Variants in AIG1 observed in about 807,000 individuals in gnomAD.
The protein encoded by AIG1 is androgen-induced gene 1 protein.
In AIG1, 23 loss-of-function variants were observed where a neutral mutation model predicts 31.4. The observed-to-expected ratio is 0.73, with a 90% CI of 0.53 to 1.04. AIG1 has a LOEUF of 1.04. Among genes scored for constraint, AIG1 ranks in the 50% least tolerant of loss-of-function variants. The pLI is 0.00. For missense variants in AIG1, 274 were observed against 295.0 expected, an observed-to-expected ratio of 0.93 and a Z score of 0.52; for synonymous variants, 100 against 110.5, an observed-to-expected ratio of 0.90 and a Z score of 0.60.
At chr6:143,179,578 T>TA (rs1462320232) in intron 3 of AIG1, among the ~76,000 whole-genome samples, 1 of 152,184 alleles carries the variant, frequency 6.6e-6, no homozygotes, top group African/African-American at 2.4e-5. Flanking sequence ...CGTTTTTGAT[T>TA]TACACTAAAG....
intron 1 of AIG1, among the ~76,000 whole-genome samples, chr6:143,075,602 G>A (rs1777666476): frequency 1.3e-5 from 2 of 152,086 alleles, no homozygotes; most frequent in South Asian, 4.2e-4. Flanking sequence ...CACTGTGCGA[G>A]GCTGATTTCT....
intron 2 of AIG1, among the ~76,000 whole-genome samples, chr6:143,143,528 A>AAAATATATATATATAT (rs1554249782): frequency 5.4e-4 from 15 of 27,774 alleles, no homozygotes; most frequent in East Asian, 2.6e-3. Context: ...AAAAAAAAAA[A>AAAATATATATATATAT]ATATATATAT....
In AIG1 at chr6:143,340,620, G is replaced by C. The variant is rs56289954; in HGVS notation, c.*944G>C. Among the ~76,000 whole-genome samples, 4 of 151,814 alleles carry C rather than the reference G, an allele frequency of 2.6e-5. No individual in the cohort carries two copies. The East Asian group carries it at 7.7e-4, about 29-fold the overall frequency. The stretch of plus-strand genomic sequence containing the variant: ...CTGGGACTACAGGCGCCTGCCACAC[G>C]CCCGGCTTATTTTTTGTATTTTTAG... On this transcript the variant is annotated 3_prime_UTR_variant, in exon 6 of 6. Transcript: ENST00000357847.
intron 3 of AIG1, among the ~76,000 whole-genome samples, chr6:143,194,613 T>C (rs1790071938): frequency 6.6e-6 from 1 of 152,240 alleles, no homozygotes. Context: ...TTGAGTAGTT[T>C]ATGTGTGGAT....
chr6:143,112,666 G>GT (rs2128491772), intron 1 of AIG1, among the ~76,000 whole-genome samples: 1 of 152,282 alleles, frequency 6.6e-6, no homozygotes, highest in East Asian at 1.9e-4. Flanking sequence ...GTCTGAGTGA[G>GT]TTCTATTTAA....
chr6:143,191,802 A>T (rs549024538), intron 3 of AIG1, among the ~76,000 whole-genome samples: 12 of 152,346 alleles, frequency 7.9e-5, no homozygotes, highest in Middle Eastern at 3.4e-3. Context: ...ATAAAGGTAA[A>T]ACTTTCCTGG....
rs559422523 is a variant in AIG1 at position 143,194,317 on chromosome 6, C to T, written c.399+29134C>T. Among the ~76,000 whole-genome samples the T allele has an allele frequency of 1.1e-4, 17 of 152,292 alleles. No individual in the cohort carries two copies. The South Asian group carries it at 3.5e-3, about 32-fold the overall frequency. On this transcript the variant is annotated intron_variant, in intron 3 of 5. Coordinates refer to ENST00000357847, the MANE Select transcript of AIG1 (RefSeq NM_016108.4). ...ACAAAACCATTAGATCTCATGAGAA[C>T]TCACTCACTATCACGAGAATAGCAT... is the stretch of plus-strand genomic sequence containing the variant.
chr6:143,120,272 T>G lies in AIG1; in HGVS notation c.142-16563T>G, dbSNP rs372558239. On this transcript the variant is annotated intron_variant, in intron 1 of 5. Coordinates refer to ENST00000357847, the MANE Select transcript of AIG1 (RefSeq NM_016108.4). ...TTTAAAATAACTGAGGCAGATGTTGTGGGTATTACATATAAACTTCCTCAT... is the reference window on the plus strand; with the variant it reads ...TTTAAAATAACTGAGGCAGATGTTGGGGGTATTACATATAAACTTCCTCAT... Among the ~76,000 whole-genome samples the G allele has an allele frequency of 5.9e-5, 9 of 152,306 alleles. No individual in the cohort carries two copies. The East Asian group carries it at 7.7e-4, about 13-fold the overall frequency.
intron 3 of AIG1, among the ~76,000 whole-genome samples, chr6:143,235,974 G>T (rs1414506099): frequency 6.6e-6 from 1 of 152,154 alleles, no homozygotes; most frequent in Non-Finnish European, 1.5e-5. Context: ...AGAAGGTAGG[G>T]CAGGGAAGGG....
intron 3 of AIG1, among the ~76,000 whole-genome samples, chr6:143,208,637 C>G (rs1316707300): frequency 6.6e-6 from 1 of 152,140 alleles, no homozygotes; most frequent in African/African-American, 2.4e-5. Flanking sequence ...ATCATAAAAT[C>G]AAGCAACGCT....
chr6:143,194,378 C>T (rs143383727), intron 3 of AIG1, among the ~76,000 whole-genome samples: 238 of 152,302 alleles, frequency 1.6e-3, no homozygotes, highest in African/African-American at 5.3e-3. Context: ...TCACCACCCA[C>T]GAGTTCCCTC....
At chr6:143,272,901 T>C (rs944504624) in intron 3 of AIG1, among the ~76,000 whole-genome samples, 1 of 152,040 alleles carries the variant, frequency 6.6e-6, no homozygotes, top group African/African-American at 2.4e-5. Flanking sequence ...GAGGCCGAGG[T>C]GGGCGAATCA....
In AIG1 at chr6:143,330,563, G is replaced by A. The variant is rs1401813690; in HGVS notation, c.516-2719G>A. On this transcript the variant is annotated intron_variant, in intron 4 of 5. Transcript: ENST00000357847. The surrounding 1 kb of genome is among the most constrained non-coding windows in gnomAD (Gnocchi z 4.4). ...ACAGGAGATTAAATCAGAAAAGTGC[G>A]GGGTAGGGCCTTGAAGAACCATCTA... 1.3e-5 allele frequency among the ~76,000 whole-genome samples: 2 copies of A among 152,044 alleles called. No homozygotes were observed. Among genetic ancestry groups the A allele is most frequent in the Non-Finnish European group, 2.9e-5 (2 of 68,012 alleles).
intron 1 of AIG1, among the ~76,000 whole-genome samples, chr6:143,127,489 G>A (rs972119769): frequency 3.3e-5 from 5 of 152,174 alleles, no homozygotes; most frequent in Non-Finnish European, 7.3e-5. Flanking sequence ...ACCAGTCACT[G>A]GGGATATGGC....
At chr6:143,202,504 T>G (rs1347029501) in intron 3 of AIG1, among the ~76,000 whole-genome samples, 1 of 152,226 alleles carries the variant, frequency 6.6e-6, no homozygotes, top group Non-Finnish European at 1.5e-5. Context: ...AATTCTTTAA[T>G]GTTTCCTTTG....
intron 3 of AIG1, among the ~76,000 whole-genome samples, chr6:143,172,585 T>C (rs1301311952): frequency 1.3e-5 from 2 of 152,236 alleles, no homozygotes; most frequent in Non-Finnish European, 2.9e-5. Context: ...CTTCATAGAA[T>C]GATTTAGGGA....
At position 143,339,735 on chromosome 6, in the gene AIG1, G is replaced by T; in HGVS notation, c.*59G>T. 1.3e-6 allele frequency: 2 copies of T among 1,580,656 alleles called. No individual in the cohort carries two copies. The highest frequency in any genetic ancestry group is 1.7e-6 in the Non-Finnish European group (2 of 1,157,712). On this transcript the variant is annotated 3_prime_UTR_variant, in exon 6 of 6. Transcript: ENST00000357847. ...CGCCATTGAAGACTCCTTCCCCTCG[G>T]GCATTGGCAGTGGGGGAGAAAAGGC... is the stretch of plus-strand genomic sequence containing the variant.
chr6:143,189,759 A>C, intron 3 of AIG1: 1 of 985,072 alleles, frequency 1.0e-6, no homozygotes, highest in East Asian at 1.1e-4. Context: ...TCTTATATTA[A>C]TATGAGTCAT....
downstream of AIG1, chr6:143,343,081 A>G: frequency 3.9e-6 from 3 of 778,170 alleles, no homozygotes; most frequent in South Asian, 2.7e-5. Context: ...ATCTCGCGCC[A>G]TCATGATGAT....
Sources: allele counts gnomAD v4.1 joint callset (sites outside exome capture counted in the v4.1 genomes callset), GRCh38; gene constraint gnomAD v4.1.1; non-coding constraint Gnocchi (gnomAD v3.1); transcripts MANE v1.5; gene names NCBI Gene and HGNC (gene_info 2026-07-23, HGNC 2026-07-21).